The following CGNL1 variants were observed in gnomAD, a reference collection of about 807,000 sequenced individuals.
The protein encoded by CGNL1 is cingulin like 1, also known as cingulin-like protein 1.
Under a neutral mutation model 141.2 loss-of-function variants are expected in CGNL1, and 132 were observed. The ratio of observed to expected loss-of-function variants is 0.93; its 90% CI spans 0.81 to 1.08. The LOEUF is 1.08. Among genes scored for constraint, CGNL1 ranks in the 50% least tolerant of loss-of-function variants. CGNL1 has a pLI of 0.00. For missense variants in CGNL1, 1,870 were observed against 1,588.6 expected, an observed-to-expected ratio of 1.18 and a Z score of -3.01; for synonymous variants, 690 against 622.1, an observed-to-expected ratio of 1.11 and a Z score of -1.63.
chr15:57,545,812 C>A, intron 17 of CGNL1, 112 bp downstream of exon 17: 1 of 887,536 alleles, frequency 1.1e-6, no homozygotes. Flanking sequence ...TGGGCTGATT[C>A]CTCCCTTTCC....
chr15:57,474,994 T>A (rs537134312), intron 8 of CGNL1, among the ~76,000 whole-genome samples: 17 of 152,368 alleles, frequency 1.1e-4, no homozygotes, highest in Admixed American at 3.3e-4. Context: ...GACCTTGACC[T>A]TCACCTTCTG....
At chr15:57,426,027 C>T (rs1194972681) in intron 1 of CGNL1, among the ~76,000 whole-genome samples, 1 of 152,040 alleles carries the variant, frequency 6.6e-6, no homozygotes, top group Non-Finnish European at 1.5e-5. Flanking sequence ...TAGGCAGGGA[C>T]CCCCCTCCCC....
intron 8 of CGNL1, among the ~76,000 whole-genome samples, chr15:57,506,216 G>A (rs759160672): frequency 1.3e-5 from 2 of 152,344 alleles, no homozygotes; most frequent in East Asian, 1.9e-4. Flanking sequence ...TTTTCCTAGT[G>A]ACGCAGAGCG....
At chr15:57,501,890 G>A (rs538820585) in intron 8 of CGNL1, among the ~76,000 whole-genome samples, 67 of 152,296 alleles carry the variant, frequency 4.4e-4, no homozygotes, top group African/African-American at 1.6e-3. Context: ...TCTGGGAAGG[G>A]TCCCATGGGT....
chr15:57,464,490 C>T (rs1193126841), intron 8 of CGNL1, among the ~76,000 whole-genome samples: 2 of 152,234 alleles, frequency 1.3e-5, no homozygotes, highest in East Asian at 1.9e-4. Context: ...TAGTCACATC[C>T]GTGCGGTGTC....
At chr15:57,421,808 C>G (rs533932705) in intron 1 of CGNL1, among the ~76,000 whole-genome samples, 12 of 150,674 alleles carry the variant, frequency 8.0e-5, no homozygotes, top group Non-Finnish European at 1.5e-4. Flanking sequence ...TCGTGTGCTC[C>G]TGTGTGGACA....
intron 11 of CGNL1, among the ~76,000 whole-genome samples, chr15:57,524,049 C>T (rs1471589970): frequency 6.6e-6 from 1 of 152,202 alleles, no homozygotes; most frequent in African/African-American, 2.4e-5. Context: ...TCTGCCCCAC[C>T]ATACCCAGAA....
At chr15:57,410,311 C>T (rs2062771859) in intron 1 of CGNL1, among the ~76,000 whole-genome samples, 1 of 152,210 alleles carries the variant, frequency 6.6e-6, no homozygotes. Flanking sequence ...AGGCAAAGTG[C>T]ACAAAACAGT....
At chr15:57,411,460 T>C (rs1187297135) in intron 1 of CGNL1, among the ~76,000 whole-genome samples, 1 of 151,574 alleles carries the variant, frequency 6.6e-6, no homozygotes, top group Non-Finnish European at 1.5e-5. Flanking sequence ...TTTTTTTTTT[T>C]TGAGACAGAG....
intron 8 of CGNL1, among the ~76,000 whole-genome samples, chr15:57,510,299 T>C (rs2030162283): frequency 6.6e-6 from 1 of 152,214 alleles, no homozygotes; most frequent in Non-Finnish European, 1.5e-5. Context: ...ATCCCCCTTC[T>C]TCAGATAGGA....
chr15:57,496,991 A>G (rs1267222032), intron 8 of CGNL1, among the ~76,000 whole-genome samples: 2 of 152,206 alleles, frequency 1.3e-5, no homozygotes, highest in African/African-American at 4.8e-5. Context: ...TGGCAGTTGC[A>G]TCCACGTTGT....
chr15:57,516,658 C>A, intron 8 of CGNL1, 122 bp from the exon 9 acceptor site: 1 of 1,030,356 alleles, frequency 9.7e-7, no homozygotes. Flanking sequence ...CGACCCCTGG[C>A]TCAGCACAGG....
intron 8 of CGNL1, among the ~76,000 whole-genome samples, chr15:57,474,912 G>T (rs2063632194): frequency 6.6e-6 from 1 of 152,200 alleles, no homozygotes; most frequent in Admixed American, 6.5e-5. Context: ...TCCTAAGGCA[G>T]GTCAAGAAGA....
Position 57,439,434 on chromosome 15 carries a change from A to G in CGNL1, c.1435A>G (p.Ser479Gly), listed in dbSNP as rs762929584. 2 of 1,614,212 alleles carry G rather than the reference A, an allele frequency of 1.2e-6. No homozygotes were observed. Among genetic ancestry groups the G allele is most frequent in the Non-Finnish European group, 1.7e-6 (2 of 1,180,042 alleles). Residue 479 changes from serine to glycine, a missense_variant, in exon 2 of 19, where the codon AGT (serine) becomes GGT (glycine). Transcript: ENST00000281282. ...TCTGGAAACCGAAGGTAGTCAGGAA[A>G]GTACAGTGATCCGTGCGCCCTCCCT... ...KVLETEGSQESTVIRAPSLGA... is the reference protein window; with the variant it reads ...KVLETEGSQEGTVIRAPSLGA...
intron 12 of CGNL1, 53 bp downstream of exon 12, chr15:57,524,804 T>G: frequency 6.4e-7 from 1 of 1,572,546 alleles, no homozygotes; most frequent in South Asian, 1.2e-5. Flanking sequence ...AAGTATCCTT[T>G]GCCCTGAAAG....
intron 14 of CGNL1, among the ~76,000 whole-genome samples, chr15:57,533,958 C>T (rs1018967041): frequency 6.6e-6 from 1 of 152,236 alleles, no homozygotes; most frequent in Non-Finnish European, 1.5e-5. Context: ...GTCCTGGCTC[C>T]TGCATTAGCC....
chr15:57,438,163 T>C lies in CGNL1; in HGVS notation c.164T>C (p.Ile55Thr). ...RVQGIDGHPY[I>T]VLNNTERCLA... ...CAGGGAATTGATGGTCACCCCTATA[T>C]TGTCCTGAATAACACAGAACGGTGC... Residue 55 changes from isoleucine to threonine, a missense_variant, in exon 2 of 19, where the codon ATT becomes ACT. Physicochemically the swap from Ile to Thr is moderately conservative, Grantham distance 89 (BLOSUM62 -1). Transcript: ENST00000281282. The C allele has an allele frequency of 6.2e-7, 1 of 1,614,196 alleles. No individual in the cohort carries two copies. The highest frequency in any genetic ancestry group is 8.5e-7 in the Non-Finnish European group (1 of 1,180,036).
intron 18 of CGNL1, among the ~76,000 whole-genome samples, chr15:57,546,474 A>G (rs564340140): frequency 9.8e-4 from 149 of 152,292 alleles, no homozygotes; most frequent in African/African-American, 3.4e-3. Context: ...TGAGCTGGGT[A>G]GATATCATCC....
intron 8 of CGNL1, among the ~76,000 whole-genome samples, chr15:57,491,051 G>A (rs1430076416): frequency 6.6e-6 from 1 of 152,004 alleles, no homozygotes; most frequent in Non-Finnish European, 1.5e-5. Context: ...GAATGTGATG[G>A]AGTATCCTGA....
Sources: gnomAD v4.1 joint callset for allele counts (sites outside exome capture counted in the v4.1 genomes callset) on GRCh38, gnomAD v4.1.1 for gene constraint, MANE v1.5 for transcripts, NCBI Gene and HGNC (gene_info 2026-07-23, HGNC 2026-07-21) for gene names.